The following MIOS variants were observed in gnomAD, a reference collection of about 807,000 sequenced individuals.
MIOS encodes the protein GATOR2 complex protein MIOS.
In MIOS, 52 loss-of-function variants were observed where a neutral mutation model predicts 96.9. That is an observed-to-expected ratio of 0.54 (90% CI 0.43 to 0.68). MIOS has a LOEUF of 0.68. Ranked by LOEUF, MIOS falls within the 30% of genes least tolerant of loss-of-function variation. The pLI is 0.00. For missense variants in MIOS, 1,005 were observed against 1,052.8 expected, an observed-to-expected ratio of 0.95 and a Z score of 0.63; for synonymous variants, 397 against 359.5, an observed-to-expected ratio of 1.10 and a Z score of -1.18.
intron 6 of MIOS, among the ~76,000 whole-genome samples, chr7:7,585,124 T>G (rs898190989): frequency 6.6e-6 from 1 of 152,190 alleles, no homozygotes; most frequent in Non-Finnish European, 1.5e-5. Flanking sequence ...ATGCAATATT[T>G]ACTATAAGTG....
chr7:7,570,978 A>T (rs540177635), intron 3 of MIOS, among the ~76,000 whole-genome samples: 1 of 152,282 alleles, frequency 6.6e-6, no homozygotes, highest in African/African-American at 2.4e-5. Context: ...TTCCCAACTG[A>T]AACTTTTGCA....
At chr7:7,595,377 T>C (rs1784174129) in intron 10 of MIOS, among the ~76,000 whole-genome samples, 1 of 152,208 alleles carries the variant, frequency 6.6e-6, no homozygotes. Context: ...CCAGTGTATT[T>C]CCAGCCCTTT....
intron 5 of MIOS, among the ~76,000 whole-genome samples, chr7:7,581,182 T>C (rs930487474): frequency 2.0e-5 from 3 of 150,862 alleles, no homozygotes; most frequent in African/African-American, 4.9e-5. Flanking sequence ...ATTAGCCGGG[T>C]GTGGTGGTGT....
At chr7:7,567,478 T>C (rs1048126743) in intron 1 of MIOS, 129 bp from the exon 2 acceptor site, 10 of 151,954 alleles carry the variant, frequency 6.6e-5, no homozygotes, top group African/African-American at 2.4e-4. Flanking sequence ...AAACGGCCTG[T>C]CTCCCGGTGA....
At chr7:7,589,277 A>G (rs1020759823) in intron 8 of MIOS, 128 bp from the exon 9 acceptor site, 17 of 742,570 alleles carry the variant, frequency 2.3e-5, no homozygotes, top group Non-Finnish European at 3.6e-5. Flanking sequence ...TTAAATATTT[A>G]TATTTTAGTA....
In MIOS at chr7:7,607,775, A is replaced by G. The variant is rs959817560; in HGVS notation, c.*683A>G. 1 of 152,172 alleles carries G rather than the reference A, an allele frequency of 6.6e-6. No individual in the cohort carries two copies. Among genetic ancestry groups the G allele is most frequent in the African/African-American group, 2.4e-5 (1 of 41,458 alleles). 9.4% of individuals were successfully genotyped at this position (152,172 alleles called of 1,614,324 possible). A position where few individuals can be genotyped will look rare whatever the true frequency, so the allele number is the denominator to read the frequency against. ...CTAGAAAAGCCAAGATGAAGAATCT[A>G]TCTTACAACTTTTTCTCTTCAGTAG... On this transcript the variant is annotated 3_prime_UTR_variant, in exon 13 of 13. Coordinates refer to ENST00000340080, the MANE Select transcript of MIOS (RefSeq NM_019005.4).
In MIOS at chr7:7,591,144, C is replaced by A. The variant is rs537890169; in HGVS notation, c.2043+1581C>A. Among the ~76,000 whole-genome samples, 4 of 152,184 alleles carry A rather than the reference C, an allele frequency of 2.6e-5. No individual in the cohort carries two copies. In the South Asian group the frequency reaches 8.3e-4, roughly 32 times the overall value. The stretch of plus-strand genomic sequence containing the variant: ...TTGTAATATAGGTGACAGATTCTCT[C>A]AAATTTTAACTGAAAATGTCTATTT... On this transcript the variant is annotated intron_variant, in intron 9 of 12. Coordinates refer to ENST00000340080, the MANE Select transcript of MIOS (RefSeq NM_019005.4).
In MIOS at chr7:7,606,988, T is replaced by G. The variant is rs1463129231; in HGVS notation, c.2532-8T>G. On this transcript the variant is annotated splice_region_variant and splice_polypyrimidine_tract_variant and intron_variant, in intron 12 of 12. Transcript: ENST00000340080. ...GATTTTTAACTGTTATTTGACCTAT[T>G]TTTTTAGGGACCATGCAGAGTGCCC... The G allele has an allele frequency of 1.2e-6, 2 of 1,601,728 alleles. No individual in the cohort carries two copies. Among genetic ancestry groups the G allele is most frequent in the African/African-American group, 2.7e-5 (2 of 74,264 alleles).
At chr7:7,587,252 T>G (rs1783917420) in intron 7 of MIOS, among the ~76,000 whole-genome samples, 1 of 152,078 alleles carries the variant, frequency 6.6e-6, no homozygotes, top group Non-Finnish European at 1.5e-5. Flanking sequence ...ACTCCTGATC[T>G]TGAATGATCC....
chr7:7,603,864 A>G (rs1753711029), intron 11 of MIOS, among the ~76,000 whole-genome samples: 2 of 151,748 alleles, frequency 1.3e-5, no homozygotes, highest in South Asian at 4.2e-4. Flanking sequence ...CATATACACC[A>G]TGGAATACTA....
At chr7:7,603,388 A>G (rs1784434339) in intron 11 of MIOS, among the ~76,000 whole-genome samples, 2 of 152,224 alleles carry the variant, frequency 1.3e-5, no homozygotes, top group Admixed American at 1.3e-4. Flanking sequence ...AACCCCATCA[A>G]AAACTGGGCA....
Position 7,600,698 on chromosome 7 carries a change from C to A in MIOS, c.2401+4237C>A, listed in dbSNP as rs544571539. Among the ~76,000 whole-genome samples, 19 of 152,148 alleles carry A rather than the reference C, an allele frequency of 1.2e-4. 1 individual carries two copies. The South Asian group carries it at 2.9e-3, about 23-fold the overall frequency. ...ACAAGGATATCCAGGAATTGAACTCCGCTCTGCACCAAGCGGACCTAATAG... is the reference window on the plus strand; with the variant it reads ...ACAAGGATATCCAGGAATTGAACTCAGCTCTGCACCAAGCGGACCTAATAG... On this transcript the variant is annotated intron_variant, in intron 11 of 12. Transcript: ENST00000340080.
Position 7,606,016 on chromosome 7 carries a change from TG to T in MIOS, c.2478del (p.Trp826CysfsTer56). The T allele has an allele frequency of 6.2e-7, 1 of 1,613,984 alleles. No homozygotes were observed. Among genetic ancestry groups the T allele is most frequent in the South Asian group, 1.1e-5 (1 of 91,074 alleles). ...AGCCCAATTTAACAACTGGTTTACATGGTGTCATAATTGCAGGCACGGTGGA... is the reference window on the plus strand; with the variant it reads ...AGCCCAATTTAACAACTGGTTTACATGTGTCATAATTGCAGGCACGGTGGA... ...KLAQFNNWFT[W>X]CHNCRHGGHA... On this transcript the variant is annotated frameshift_variant, in exon 12 of 13. Transcript: ENST00000340080.
chr7:7,605,949 C>G lies in MIOS; in HGVS notation c.2409C>G (p.Thr803=), dbSNP rs749719939. Residue 803 remains threonine (T), a synonymous_variant, in exon 12 of 13, where the codon ACC becomes ACG. Transcript: ENST00000340080. ...CATTTTATTTTGTCATAGGAGGAAC[C>G]AAATCAGATGAAAAAGTGGACTTGA... ...GTPVSSCPGG[T]KSDEKVDLSK... is the part of the protein sequence containing the mutation. 11 of 1,612,644 alleles carry G rather than the reference C, an allele frequency of 6.8e-6. No individual in the cohort carries two copies. Among genetic ancestry groups the G allele is most frequent in the Non-Finnish European group, 9.3e-6 (11 of 1,179,142 alleles).
In MIOS at chr7:7,573,688, G is replaced by C. The variant is rs375686147; in HGVS notation, c.1213G>C (p.Asp405His). ...RLRALSRYGL[D>H]TEQVWRNHIL... The stretch of plus-strand genomic sequence containing the variant: ...TCGGGCTTTATCAAGGTATGGACTT[G>C]ATACAGAGCAGGTGTGGAGGAACCA... The change falls in exon 4 of 13, where the codon GAT (aspartate) becomes CAT (histidine). Residue 405 changes from aspartate (D) to histidine (H), a missense_variant. Asp to His is a moderately conservative substitution (Grantham distance 81). Transcript: ENST00000340080. This position sits in a 1 kb window ranked among gnomAD's most constrained non-coding sequence, Gnocchi z 5.0. 3.7e-6 allele frequency: 6 copies of C among 1,613,788 alleles called. No individual in the cohort carries two copies. The African/African-American group carries it at 6.7e-5, about 18-fold the overall frequency.
chr7:7,580,750 G>T (rs1783688902), intron 5 of MIOS, among the ~76,000 whole-genome samples: 1 of 144,324 alleles, frequency 6.9e-6, no homozygotes, highest in Non-Finnish European at 1.5e-5. Context: ...AGGCTGGTGC[G>T]ATCTCGGCTC....
chr7:7,585,408 A>C (rs1249592131), intron 6 of MIOS, among the ~76,000 whole-genome samples: 49 of 131,464 alleles, frequency 3.7e-4, no homozygotes, highest in Middle Eastern at 4.5e-3. Context: ...CAAAACCCAA[A>C]CCCCCCCCTT....
Position 7,607,319 on chromosome 7 carries a change from A to C in MIOS, c.*227A>C, listed in dbSNP as rs1784560028. ...AGTATAGACATGAGTTCTGTTCAGC[A>C]GGTTGAAAAGTCTGATTTAGAAAAA... On this transcript the variant is annotated 3_prime_UTR_variant, in exon 13 of 13. Coordinates refer to ENST00000340080, the MANE Select transcript of MIOS (RefSeq NM_019005.4). 1 of 351,296 alleles carries C rather than the reference A, an allele frequency of 2.8e-6. No individual in the cohort carries two copies. The highest frequency in any genetic ancestry group is 5.1e-6 in the Non-Finnish European group (1 of 196,632). The allele number at this position is 351,296 out of a possible 1,614,324, so 21.8% of individuals were successfully genotyped here.
rs142048464 is a variant in MIOS at position 7,589,164 on chromosome 7, G to C, written c.1885-241G>C. On this transcript the variant is annotated intron_variant, in intron 8 of 12. Coordinates refer to ENST00000340080, the MANE Select transcript of MIOS (RefSeq NM_019005.4). Reference sequence around the variant, plus strand: ...TCTTTAAAATAATAAACCATCTATAGTTCTTTTATGGATTAATTATCAACA... The same window carrying C: ...TCTTTAAAATAATAAACCATCTATACTTCTTTTATGGATTAATTATCAACA... 6.9e-3 allele frequency among the ~76,000 whole-genome samples: 1,056 copies of C among 152,088 alleles called. 8 individuals are homozygous for C. The highest frequency in any genetic ancestry group is 0.051 in the Middle Eastern group (15 of 294).
Sources: allele counts gnomAD v4.1 joint callset (sites outside exome capture counted in the v4.1 genomes callset), GRCh38; gene constraint gnomAD v4.1.1; non-coding constraint Gnocchi (gnomAD v3.1); transcripts MANE v1.5; gene names NCBI Gene and HGNC (gene_info 2026-07-23, HGNC 2026-07-21).